The following BCAS1 variants were observed in gnomAD, a reference collection of about 807,000 sequenced individuals.
BCAS1 encodes brain enriched myelin associated protein 1, also known as breast carcinoma-amplified sequence 1.
A neutral mutation model predicts 65.4 loss-of-function variants in BCAS1; 46 were observed. The ratio of observed to expected loss-of-function variants is 0.70; its 90% confidence interval spans 0.55 to 0.90. The LOEUF (loss-of-function observed/expected upper bound fraction) is 0.90, where lower values mean the gene tolerates loss of function less well. Ranked by LOEUF, BCAS1 falls within the 40% of genes least tolerant of loss-of-function variation. The pLI is 0.00. For synonymous variants in BCAS1, 298 were observed against 293.5 expected, an observed-to-expected ratio of 1.02 and a Z score of -0.16; for missense variants, 793 against 771.2, an observed-to-expected ratio of 1.03 and a Z score of -0.33.
intron 3 of BCAS1, among the ~76,000 whole-genome samples, chr20:54,046,635 A>C (rs2092113219): frequency 6.6e-6 from 1 of 151,850 alleles, no homozygotes; most frequent in Non-Finnish European, 1.5e-5. Flanking sequence ...CCTGAAGTCA[A>C]GGAGTTCCAG....
chr20:53,953,665 GTGTGAT>G lies in BCAS1; in HGVS notation c.1576_1581del (p.Ile526_Thr527del). ...GCTCCTGTTGGTTCAGGCTCTGGCG[GTGTGAT>G]AGTCTTTTCTGTGGAGTCTGATGTC... On this transcript the variant is annotated inframe_deletion, in exon 12 of 13. Transcript: ENST00000688948. 1.2e-6 allele frequency: 2 copies of G among 1,613,844 alleles called. No individual in the cohort carries two copies. The highest frequency in any genetic ancestry group is 1.7e-6 in the Non-Finnish European group (2 of 1,179,972).
At chr20:54,051,098 G>T (rs2092204390) in intron 3 of BCAS1, among the ~76,000 whole-genome samples, 1 of 152,158 alleles carries the variant, frequency 6.6e-6, no homozygotes, top group Non-Finnish European at 1.5e-5. Context: ...GAAAGTGATT[G>T]TTGCATATTA....
At chr20:54,037,201 G>C (rs758076778) in intron 3 of BCAS1, among the ~76,000 whole-genome samples, 9 of 151,344 alleles carry the variant, frequency 5.9e-5, no homozygotes, top group Admixed American at 1.3e-4. Context: ...TGGCAGGGAA[G>C]GCCTCAGGAA....
At chr20:54,058,415 T>C (rs2092329959) in intron 2 of BCAS1, among the ~76,000 whole-genome samples, 1 of 151,992 alleles carries the variant, frequency 6.6e-6, no homozygotes, top group Non-Finnish European at 1.5e-5. Flanking sequence ...CTCTGACCCG[T>C]CGCACGGAGG....
At chr20:53,970,027 C>T (rs1423523879) in intron 9 of BCAS1, among the ~76,000 whole-genome samples, 2 of 152,126 alleles carry the variant, frequency 1.3e-5, no homozygotes, top group Non-Finnish European at 1.5e-5. Flanking sequence ...GAAAATAGCT[C>T]TTAAGTAGAT....
chr20:54,043,297 T>TTGATGA (rs3831640), intron 3 of BCAS1, among the ~76,000 whole-genome samples: 134 of 149,984 alleles, frequency 8.9e-4, no homozygotes, highest in African/African-American at 2.4e-3. Flanking sequence ...CTATGATAAC[T>TTGATGA]TGATGATGAT....
chr20:54,063,169 C>A (rs1000559635), intron 1 of BCAS1, among the ~76,000 whole-genome samples: 1 of 152,196 alleles, frequency 6.6e-6, no homozygotes, highest in Non-Finnish European at 1.5e-5. Flanking sequence ...AGTGCTGAAG[C>A]TCTATGTAGA....
At chr20:54,004,828 C>T (rs891254840) in intron 4 of BCAS1, among the ~76,000 whole-genome samples, 5 of 152,136 alleles carry the variant, frequency 3.3e-5, no homozygotes, top group Non-Finnish European at 7.4e-5. Context: ...AGGTCCAATC[C>T]CTGCTCTGCC....
intron 11 of BCAS1, among the ~76,000 whole-genome samples, chr20:53,955,163 C>G (rs1408784579): frequency 6.6e-6 from 1 of 152,190 alleles, no homozygotes; most frequent in Non-Finnish European, 1.5e-5. Flanking sequence ...ACCAGTGAAT[C>G]ATGCACGCCC....
rs540431902 is a variant in BCAS1, at chr20:54,052,019, G to A, written c.142+6066C>T. ...CTCCAAAAGTGCTGGGATTACACGCGTGAGCCACTGCACCCAGCCAACTAT... is the reference window on the plus strand; with the variant it reads ...CTCCAAAAGTGCTGGGATTACACGCATGAGCCACTGCACCCAGCCAACTAT... On this transcript the variant is annotated intron_variant, in intron 3 of 12. Coordinates refer to ENST00000688948, the MANE Select transcript of BCAS1 (RefSeq NM_001366298.2). 7.9e-5 allele frequency among the ~76,000 whole-genome samples: 12 copies of A among 152,250 alleles called. No individual in the cohort carries two copies. In the South Asian group the frequency reaches 1.0e-3, roughly 13 times the overall value.
rs984051197 is a variant in BCAS1 at position 53,992,698 on chromosome 20, C to G, written c.928-52G>C. Reference sequence around the variant, plus strand: ...CAGAACTTTGTTTTTGAACAAAATTCTTTTTGTTTTCTGTTGTTTTAAAGT... The same window carrying G: ...CAGAACTTTGTTTTTGAACAAAATTGTTTTTGTTTTCTGTTGTTTTAAAGT... On this transcript the variant is annotated intron_variant, in intron 6 of 12. Transcript: ENST00000688948. 6 of 1,357,988 alleles carry G rather than the reference C, an allele frequency of 4.4e-6. No homozygotes were observed. In the African/African-American group the frequency reaches 7.4e-5, roughly 17 times the overall value. The allele number at this position is 1,357,988 out of a possible 1,614,324, so 84.1% of individuals were successfully genotyped here.
rs1320345790 is a variant in BCAS1, at chr20:54,057,982, C to A, written c.142+103G>T. ...CGCAAGTATTTTCAAACTGAGCCTG[C>A]GGCTTCGACCCTTTCATTTTTTTTT... On this transcript the variant is annotated intron_variant, in intron 3 of 12. Transcript: ENST00000688948. 3.4e-6 allele frequency: 3 copies of A among 883,582 alleles called. No homozygotes were observed. In the African/African-American group the frequency reaches 5.2e-5, roughly 15 times the overall value. The allele number at this position is 883,582 out of a possible 1,614,324, so 54.7% of individuals were successfully genotyped here.
At chr20:53,994,295 A>T (rs1036905806) in intron 6 of BCAS1, among the ~76,000 whole-genome samples, 1 of 152,208 alleles carries the variant, frequency 6.6e-6, no homozygotes, top group Non-Finnish European at 1.5e-5. Flanking sequence ...CGTGTATTCC[A>T]CTAGAGGTAA....
intron 12 of BCAS1, 32 bp downstream of exon 12, chr20:53,953,400 C>A: frequency 6.2e-7 from 1 of 1,610,284 alleles, no homozygotes; most frequent in Non-Finnish European, 8.5e-7. Context: ...AGGAGAGAGC[C>A]CAGAAAGAAG....
chr20:53,999,973 C>T (rs1292115805), intron 4 of BCAS1, among the ~76,000 whole-genome samples: 1 of 152,040 alleles, frequency 6.6e-6, no homozygotes, highest in Non-Finnish European at 1.5e-5. Context: ...CAGGTAATCC[C>T]CTCACCTCGG....
In BCAS1 at chr20:53,985,373, C is replaced by T. The variant is rs148582842; in HGVS notation, c.1189G>A (p.Val397Met). 422 of 1,614,058 alleles carry T rather than the reference C, an allele frequency of 2.6e-4. 3 individuals carry two copies. Among genetic ancestry groups the T allele is most frequent in the Non-Finnish European group, 3.2e-4 (375 of 1,179,968 alleles). ...TCCTTCGCAGGTTCAGGGGTTGTCA[C>T]GGACTGTGTGTGCCCCGATGGGTTG... Reference protein sequence around the residue: ...GCNPSGHTQSVTTPEPAKEGT... With the variant: ...GCNPSGHTQSMTTPEPAKEGT... The change falls in exon 8 of 13, where the codon GTG (valine) becomes ATG (methionine). Residue 397 changes from valine (V) to methionine (M), a missense_variant. Physicochemically the swap from Val to Met is conservative, Grantham distance 21. Transcript: ENST00000688948.
At chr20:53,953,769 TA>T (rs1395612636) in intron 11 of BCAS1, 74 bp from the exon 12 acceptor site, 14 of 1,492,156 alleles carry the variant, frequency 9.4e-6, no homozygotes, top group Non-Finnish European at 1.1e-5. Flanking sequence ...ATAAATATGT[TA>T]AAACAGAGAT....
At chr20:53,950,762 G>A (rs1245010281) in intron 12 of BCAS1, among the ~76,000 whole-genome samples, 2 of 152,230 alleles carry the variant, frequency 1.3e-5, no homozygotes, top group African/African-American at 4.8e-5. Flanking sequence ...CAAAGGGCCA[G>A]TTGGCAAAAA....
intron 9 of BCAS1, among the ~76,000 whole-genome samples, chr20:53,974,423 G>A (rs2090271963): frequency 6.6e-6 from 1 of 152,158 alleles, no homozygotes; most frequent in Non-Finnish European, 1.5e-5. Context: ...ACAATTTCAA[G>A]ATTTTTCTTC....
Sources: gnomAD v4.1 joint callset for allele counts (sites outside exome capture counted in the v4.1 genomes callset) on GRCh38, gnomAD v4.1.1 for gene constraint, MANE v1.5 for transcripts, NCBI Gene and HGNC (gene_info 2026-07-23, HGNC 2026-07-21) for gene names.